The following PDE3B variants were observed in gnomAD, a reference collection of about 807,000 sequenced individuals.
PDE3B encodes the protein phosphodiesterase 3B.
A neutral mutation model predicts 116.8 loss-of-function variants in PDE3B; 66 were observed. That is an observed-to-expected ratio of 0.56 (90% CI 0.46 to 0.69). PDE3B has a LOEUF of 0.69. Ranked by LOEUF, PDE3B falls within the 30% of genes least tolerant of loss-of-function variation. The probability of loss-of-function intolerance (pLI) is 0.00; values close to 1 mark genes in which losing one functional copy is unlikely to be tolerated. For missense variants in PDE3B, 1,384 were observed against 1,368.1 expected (o/e 1.01, Z -0.18); for synonymous variants, 595 against 533.6 (o/e 1.12, Z -1.59).
intron 1 of PDE3B, among the ~76,000 whole-genome samples, chr11:14,706,132 T>G (rs974746977): frequency 6.6e-6 from 1 of 151,604 alleles, no homozygotes; most frequent in Non-Finnish European, 1.5e-5. Flanking sequence ...TCTCCTTCCC[T>G]TTGTTTCTCC....
chr11:14,816,126 T>G (rs1192629921), intron 5 of PDE3B, among the ~76,000 whole-genome samples: 2 of 152,186 alleles, frequency 1.3e-5, no homozygotes, highest in African/African-American at 4.8e-5. Context: ...CAAAATTTTT[T>G]CCTCTTTATG....
downstream of PDE3B, among the ~76,000 whole-genome samples, chr11:14,873,806 A>C (rs1848166482): frequency 6.6e-6 from 1 of 152,184 alleles, no homozygotes; most frequent in Admixed American, 6.5e-5. Flanking sequence ...GGTACATTGG[A>C]CAATGAGCCC....
chr11:14,708,368 T>C (rs1479551637), intron 1 of PDE3B, among the ~76,000 whole-genome samples: 3 of 152,112 alleles, frequency 2.0e-5, no homozygotes, highest in Non-Finnish European at 4.4e-5. Context: ...ATAAATCCTT[T>C]TTCTTTATAA....
intron 12 of PDE3B, among the ~76,000 whole-genome samples, chr11:14,854,089 GT>G (rs535289198): frequency 6.6e-6 from 1 of 152,010 alleles, no homozygotes; most frequent in African/African-American, 2.4e-5. Context: ...GCAGATAAAA[GT>G]TTTTTTTATA....
intron 7 of PDE3B, among the ~76,000 whole-genome samples, chr11:14,820,663 G>A (rs1047682056): frequency 1.3e-5 from 2 of 152,126 alleles, no homozygotes; most frequent in Admixed American, 6.5e-5. Flanking sequence ...TAAGGCCTTT[G>A]GGAGGTAATT....
rs1057455854 is a variant in PDE3B, at chr11:14,852,656, A to G, written c.2521-6387A>G. 2.0e-5 allele frequency among the ~76,000 whole-genome samples: 3 copies of G among 152,198 alleles called. No homozygotes were observed. The East Asian group carries it at 5.8e-4, about 29-fold the overall frequency. The stretch of plus-strand genomic sequence containing the variant: ...GATGGATTAGAGAGTTCAGCTGTGA[A>G]AATGCATAGCCTCTTACCTAGTCTC... On this transcript the variant is annotated intron_variant, in intron 12 of 15. Transcript: ENST00000282096.
At chr11:14,884,341 C>T in the PDE3B span, among the ~76,000 whole-genome samples, 5 of 151,938 alleles carry the variant, frequency 3.3e-5, no homozygotes, top group Non-Finnish European at 5.9e-5. Flanking sequence ...CCATGGAATA[C>T]TATGCAGCCA....
At chr11:14,882,971 T>A in the PDE3B span, among the ~76,000 whole-genome samples, 1 of 152,066 alleles carries the variant, frequency 6.6e-6, no homozygotes, top group Non-Finnish European at 1.5e-5. Flanking sequence ...GAATCCAACT[T>A]ACAAGGGATG....
chr11:14,836,975 G>A (rs1245994834), intron 11 of PDE3B, among the ~76,000 whole-genome samples: 1 of 152,152 alleles, frequency 6.6e-6, no homozygotes, highest in African/African-American at 2.4e-5. Flanking sequence ...TGCCATGCCT[G>A]GCTAATTTTT....
chr11:14,824,974 T>C (rs1467591561), intron 7 of PDE3B, among the ~76,000 whole-genome samples: 1 of 151,296 alleles, frequency 6.6e-6, no homozygotes, highest in African/African-American at 2.5e-5. Context: ...GGCTCCTATA[T>C]TCAACATTCT....
chr11:14,815,335 A>G (rs1471710313), intron 5 of PDE3B, among the ~76,000 whole-genome samples: 1 of 152,130 alleles, frequency 6.6e-6, no homozygotes, highest in Non-Finnish European at 1.5e-5. Flanking sequence ...TTGAGGTGTC[A>G]TAAGTCTCAA....
chr11:14,810,257 G>T (rs1025813368), intron 5 of PDE3B, among the ~76,000 whole-genome samples: 1 of 151,312 alleles, frequency 6.6e-6, no homozygotes, highest in African/African-American at 2.4e-5. Flanking sequence ...ATGCTGGTGC[G>T]CTGCACCCAC....
intron 1 of PDE3B, among the ~76,000 whole-genome samples, chr11:14,763,224 G>A (rs1440584675): frequency 6.6e-6 from 1 of 152,078 alleles, no homozygotes; most frequent in Non-Finnish European, 1.5e-5. Context: ...GAAGCCAAGT[G>A]AGAAAAATAA....
chr11:14,692,482 T>G (rs1265515995), intron 1 of PDE3B, among the ~76,000 whole-genome samples: 2 of 152,142 alleles, frequency 1.3e-5, no homozygotes, highest in Non-Finnish European at 2.9e-5. Context: ...GTTGAGCAAG[T>G]CTGTTGGCAC....
intron 4 of PDE3B, among the ~76,000 whole-genome samples, chr11:14,801,935 C>G (rs1294204705): frequency 6.6e-6 from 1 of 152,232 alleles, no homozygotes; most frequent in East Asian, 1.9e-4. Flanking sequence ...ACTGTGAGGG[C>G]AAAACGCCTA....
At chr11:14,661,255 A>C (rs1192697777) in intron 1 of PDE3B, among the ~76,000 whole-genome samples, 1 of 152,264 alleles carries the variant, frequency 6.6e-6, no homozygotes, top group Non-Finnish European at 1.5e-5. Flanking sequence ...AATAGCAAAG[A>C]CTTGGAACCA....
the PDE3B span, chr11:14,891,704 A>C: frequency 2.5e-6 from 3 of 1,220,924 alleles, no homozygotes; most frequent in African/African-American, 1.6e-5. Flanking sequence ...CAGGAGCAAG[A>C]GCTCGAGCGG....
At position 14,830,955 on chromosome 11, in the gene PDE3B, T is replaced by A. The variant is rs867146595; in HGVS notation, c.1956+109T>A. On this transcript the variant is annotated intron_variant, in intron 8 of 15. Coordinates refer to ENST00000282096, the MANE Select transcript of PDE3B (RefSeq NM_000922.4). ...AGATTTTTAATATAGTAGTATTTTTTAATTTTTTTACTTATAAGTCACTAT... is the reference window on the plus strand; with the variant it reads ...AGATTTTTAATATAGTAGTATTTTTAAATTTTTTTACTTATAAGTCACTAT... The A allele has an allele frequency of 6.0e-5, 35 of 584,056 alleles. No homozygotes were observed. The South Asian group carries it at 1.9e-3, about 32-fold the overall frequency. 36.2% of individuals were successfully genotyped at this position (584,056 alleles called of 1,614,324 possible).
chr11:14,680,086 G>A (rs1442661833), intron 1 of PDE3B, among the ~76,000 whole-genome samples: 2 of 152,170 alleles, frequency 1.3e-5, no homozygotes, highest in Non-Finnish European at 2.9e-5. Context: ...TGGTGCCCAC[G>A]TAACGTCAGA....
Sources: gnomAD v4.1 joint callset for allele counts (sites outside exome capture counted in the v4.1 genomes callset) on GRCh38, gnomAD v4.1.1 for gene constraint, MANE v1.5 for transcripts, NCBI Gene and HGNC (gene_info 2026-07-23, HGNC 2026-07-21) for gene names.